SORCS3: variants seen among roughly 807,000 people sequenced by gnomAD.
The protein encoded by SORCS3 is VPS10 domain-containing receptor SorCS3.
SORCS3 carries 57 observed loss-of-function variants against 146.3 expected under a neutral mutation model. That is an observed-to-expected ratio of 0.39 (90% CI 0.31 to 0.49). The LOEUF is 0.49. SORCS3 is among the 20% of genes least tolerant of loss of function. SORCS3 has a pLI of 0.92. For synonymous variants in SORCS3, 653 were observed against 618.5 expected, an observed-to-expected ratio of 1.06 and a Z score of -0.83; for missense variants, 1,341 against 1,575.5, an observed-to-expected ratio of 0.85 and a Z score of 2.52.
intron 1 of SORCS3, among the ~76,000 whole-genome samples, chr10:104,768,976 C>T (rs982013504): frequency 6.6e-6 from 1 of 152,190 alleles, no homozygotes; most frequent in Non-Finnish European, 1.5e-5. Flanking sequence ...GCTCCACTTT[C>T]CAGCACCCTC....
In SORCS3 at chr10:105,252,925, G is replaced by T; in HGVS notation, c.3237+19G>T. The T allele has an allele frequency of 6.2e-7, 1 of 1,613,020 alleles. No homozygotes were observed. The stretch of plus-strand genomic sequence containing the variant: ...GGAACAAGTAAGTGAAAGTAAATCT[G>T]GCTGGGACCCTTGCCTGCACCCTAC... On this transcript the variant is annotated intron_variant, in intron 23 of 26. Transcript: ENST00000369701.
chr10:105,097,160 G>T (rs917798565), intron 6 of SORCS3, among the ~76,000 whole-genome samples: 7 of 152,162 alleles, frequency 4.6e-5, no homozygotes, highest in Non-Finnish European at 8.8e-5. Context: ...CCCAACATCA[G>T]CTGGTCTCTT....
rs373587572 is a variant in SORCS3, at chr10:105,014,776, T to G, written c.955-28279T>G. On this transcript the variant is annotated intron_variant, in intron 4 of 26. Coordinates refer to ENST00000369701, the MANE Select transcript of SORCS3 (RefSeq NM_014978.3). The stretch of plus-strand genomic sequence containing the variant: ...GAAAGTGATTAGGTCATGAATGTGA[T>G]TAACACACCTATAAGGGGCTGAAGA... 6.0e-4 allele frequency among the ~76,000 whole-genome samples: 92 copies of G among 152,266 alleles called. 1 individual carries two copies. The South Asian group carries it at 0.019, about 31-fold the overall frequency.
At position 105,042,793 on chromosome 10, in the gene SORCS3, A is replaced by G. The variant is rs547755906; in HGVS notation, c.955-262A>G. Among the ~76,000 whole-genome samples the G allele has an allele frequency of 3.5e-4, 54 of 152,284 alleles. No homozygotes were observed. The Middle Eastern group carries it at 0.014, about 38-fold the overall frequency. On this transcript the variant is annotated intron_variant, in intron 4 of 26. Coordinates refer to ENST00000369701, the MANE Select transcript of SORCS3 (RefSeq NM_014978.3). The stretch of plus-strand genomic sequence containing the variant: ...GAATCTGCCTCTTCTTGTCTACATG[A>G]CAATGGAGACAGTGATGGCCATCAG...
chr10:105,154,499 C>T (rs2056192069), intron 9 of SORCS3, among the ~76,000 whole-genome samples: 1 of 152,206 alleles, frequency 6.6e-6, no homozygotes, highest in South Asian at 2.1e-4. Flanking sequence ...GGCTAGACAC[C>T]TTGTATTGTT....
intron 1 of SORCS3, among the ~76,000 whole-genome samples, chr10:104,686,843 A>G (rs1442821495): frequency 6.6e-6 from 1 of 152,124 alleles, no homozygotes; most frequent in Non-Finnish European, 1.5e-5. Flanking sequence ...GTATCCATTC[A>G]TTCATCCACC....
At chr10:104,694,380 A>G (rs1397447087) in intron 1 of SORCS3, among the ~76,000 whole-genome samples, 6 of 151,542 alleles carry the variant, frequency 4.0e-5, no homozygotes. Flanking sequence ...CAGTTACTTT[A>G]TTTCTCTCAG....
At chr10:105,044,682 A>G (rs1283046056) in intron 5 of SORCS3, among the ~76,000 whole-genome samples, 1 of 148,578 alleles carries the variant, frequency 6.7e-6, no homozygotes, top group African/African-American at 2.6e-5. Context: ...ATGAAAAATC[A>G]ACTGTTTTTT....
chr10:104,816,417 C>G (rs754126972), intron 1 of SORCS3, among the ~76,000 whole-genome samples: 1 of 152,182 alleles, frequency 6.6e-6, no homozygotes, highest in Non-Finnish European at 1.5e-5. Flanking sequence ...AGAGATCATC[C>G]TGCTTTGGTG....
intron 8 of SORCS3, among the ~76,000 whole-genome samples, chr10:105,142,006 A>G (rs1291594553): frequency 1.3e-5 from 2 of 152,302 alleles, no homozygotes; most frequent in East Asian, 1.9e-4. Flanking sequence ...TCTGGGGGTA[A>G]TAATACTGAG....
At chr10:104,661,939 G>C (rs2015707539) in intron 1 of SORCS3, among the ~76,000 whole-genome samples, 1 of 152,176 alleles carries the variant, frequency 6.6e-6, no homozygotes, top group East Asian at 1.9e-4. Flanking sequence ...AGCACTTACT[G>C]AAGGTTTGCT....
chr10:104,730,761 GATA>G (rs1303639040), intron 1 of SORCS3, among the ~76,000 whole-genome samples: 1 of 152,226 alleles, frequency 6.6e-6, no homozygotes, highest in Non-Finnish European at 1.5e-5. Context: ...AGGCAGGAGA[GATA>G]ATGAGAGCCA....
intron 7 of SORCS3, among the ~76,000 whole-genome samples, chr10:105,110,911 A>T (rs1401152439): frequency 6.6e-6 from 1 of 152,180 alleles, no homozygotes; most frequent in African/African-American, 2.4e-5. Flanking sequence ...CTTCCCCACC[A>T]GCCAGTCACA....
chr10:104,842,952 C>A, intron 2 of SORCS3, 93 bp downstream of exon 2: 1 of 972,772 alleles, frequency 1.0e-6, no homozygotes, highest in Non-Finnish European at 1.7e-6. Context: ...CTGGAAGGAG[C>A]AGAAGATAGT....
At chr10:105,263,039 A>G (rs532149986) in intron 26 of SORCS3, among the ~76,000 whole-genome samples, 15 of 152,384 alleles carry the variant, frequency 9.8e-5, no homozygotes, top group African/African-American at 3.6e-4. Flanking sequence ...GTAAGTTTCA[A>G]TACACATTGG....
intron 2 of SORCS3, among the ~76,000 whole-genome samples, chr10:104,869,310 A>G (rs944897920): frequency 6.6e-6 from 1 of 152,168 alleles, no homozygotes; most frequent in African/African-American, 2.4e-5. Context: ...CGGTGGTGTG[A>G]GTTCTAGTCC....
At chr10:105,257,780 C>G (rs2056939982) in intron 25 of SORCS3, among the ~76,000 whole-genome samples, 1 of 152,096 alleles carries the variant, frequency 6.6e-6, no homozygotes. Context: ...GTGCTACGAA[C>G]TAAGTAATCA....
At chr10:104,817,002 C>T (rs547472377) in intron 1 of SORCS3, among the ~76,000 whole-genome samples, 7 of 152,312 alleles carry the variant, frequency 4.6e-5, no homozygotes, top group South Asian at 2.1e-4. Context: ...TATCCACCTT[C>T]GTGGACCCAG....
chr10:105,166,079 T>A (rs2119523871), intron 12 of SORCS3, among the ~76,000 whole-genome samples: 1 of 152,302 alleles, frequency 6.6e-6, no homozygotes, highest in South Asian at 2.1e-4. Context: ...TATAAGTGAA[T>A]CACCCTTAGG....
Sources: allele counts gnomAD v4.1 joint callset (sites outside exome capture counted in the v4.1 genomes callset), GRCh38; gene constraint gnomAD v4.1.1; transcripts MANE v1.5; gene names NCBI Gene and HGNC (gene_info 2026-07-23, HGNC 2026-07-21).